The following CLYBL variants were observed in gnomAD, a reference collection of about 807,000 sequenced individuals.
The protein encoded by CLYBL is citramalyl-CoA lyase.
In CLYBL, 31 loss-of-function variants were observed where a neutral mutation model predicts 38.9. The ratio of observed to expected loss-of-function variants is 0.80; its 90% CI spans 0.60 to 1.08. The LOEUF (loss-of-function observed/expected upper bound fraction) is 1.08. Ranked by LOEUF, CLYBL falls within the 50% of genes least tolerant of loss-of-function variation. The probability of loss-of-function intolerance (pLI) is 0.00; values close to 1 mark genes in which losing one functional copy is unlikely to be tolerated. For synonymous variants in CLYBL, 171 were observed against 158.6 expected (o/e 1.08, Z -0.59); for missense variants, 434 against 411.6 (o/e 1.05, Z -0.47).
chr13:99,877,444 A>C (rs1198602977), intron 7 of CLYBL, among the ~76,000 whole-genome samples: 1 of 150,804 alleles, frequency 6.6e-6, no homozygotes, highest in South Asian at 2.1e-4. Context: ...TTTCTTTCTC[A>C]CTACATCATC....
intron 2 of CLYBL, among the ~76,000 whole-genome samples, chr13:99,814,837 C>T (rs1295160604): frequency 6.6e-6 from 1 of 152,014 alleles, no homozygotes; most frequent in East Asian, 1.9e-4. Context: ...TTGAGACTGG[C>T]CTGGGCAACA....
At chr13:99,864,937 T>C (rs772015279) in intron 5 of CLYBL, 26 bp downstream of exon 5, 53 of 1,496,078 alleles carry the variant, frequency 3.5e-5, no homozygotes, top group African/African-American at 1.5e-4. Flanking sequence ...CTCTCTCTCT[T>C]TTTCTGTGTG....
At chr13:99,772,710 T>TA in intron 1 of CLYBL, 114 bp from the exon 2 acceptor site, 1 of 923,216 alleles carries the variant, frequency 1.1e-6, no homozygotes, top group Non-Finnish European at 1.6e-6. Context: ...AAAATAAAAA[T>TA]AAAAAAAGAT....
At chr13:99,645,093 A>G (rs80145035) in intron 1 of CLYBL, among the ~76,000 whole-genome samples, 3 of 152,330 alleles carry the variant, frequency 2.0e-5, no homozygotes, top group East Asian at 3.9e-4. Flanking sequence ...AGGAACCTCT[A>G]TGCTGTTCTC....
chr13:99,759,341 G>A (rs1021349067), intron 1 of CLYBL, among the ~76,000 whole-genome samples: 4 of 152,204 alleles, frequency 2.6e-5, no homozygotes, highest in African/African-American at 9.7e-5. Flanking sequence ...AACAGGTGGT[G>A]GATTGGATTA....
chr13:99,732,782 T>C (rs1250357526), intron 1 of CLYBL, among the ~76,000 whole-genome samples: 1 of 152,246 alleles, frequency 6.6e-6, no homozygotes, highest in Non-Finnish European at 1.5e-5. Context: ...CCCATCAGTC[T>C]CGACAGGATA....
intron 1 of CLYBL, among the ~76,000 whole-genome samples, chr13:99,676,829 T>C (rs571315472): frequency 2.3e-4 from 35 of 151,904 alleles, no homozygotes; most frequent in Non-Finnish European, 4.6e-4. Context: ...GGTCTCGAAC[T>C]CTCGACCTCA....
chr13:99,682,819 C>G (rs888981415), intron 1 of CLYBL, among the ~76,000 whole-genome samples: 1 of 151,920 alleles, frequency 6.6e-6, no homozygotes, highest in Non-Finnish European at 1.5e-5. Flanking sequence ...TCACTGCAAT[C>G]TCAGCCTCCC....
intron 1 of CLYBL, among the ~76,000 whole-genome samples, chr13:99,724,682 CA>C (rs1314516904): frequency 6.6e-6 from 1 of 151,946 alleles, no homozygotes; most frequent in Non-Finnish European, 1.5e-5. Context: ...GGGAGTTGAG[CA>C]CGAGCAGAAC....
At chr13:99,792,875 A>T (rs1056294507) in intron 2 of CLYBL, among the ~76,000 whole-genome samples, 6 of 151,860 alleles carry the variant, frequency 4.0e-5, no homozygotes, top group Non-Finnish European at 7.4e-5. Context: ...ATTCAAAGTT[A>T]TTGGCTTATT....
At chr13:99,651,498 A>G (rs2047252129) in intron 1 of CLYBL, among the ~76,000 whole-genome samples, 1 of 152,024 alleles carries the variant, frequency 6.6e-6, no homozygotes, top group South Asian at 2.1e-4. Context: ...TGAACCCAGG[A>G]GACGGAGGTT....
At chr13:99,788,174 A>G (rs761983048) in intron 2 of CLYBL, among the ~76,000 whole-genome samples, 2 of 152,146 alleles carry the variant, frequency 1.3e-5, no homozygotes, top group African/African-American at 4.8e-5. Context: ...CTCATTTCCT[A>G]ATTGAGTACC....
chr13:99,802,307 T>TG (rs930423967), intron 2 of CLYBL, among the ~76,000 whole-genome samples: 7 of 152,056 alleles, frequency 4.6e-5, no homozygotes, highest in East Asian at 1.9e-4. Context: ...TGTAAGAATT[T>TG]GGGGGGGATA....
At chr13:99,840,496 A>G (rs1219961597) in intron 2 of CLYBL, among the ~76,000 whole-genome samples, 1 of 151,870 alleles carries the variant, frequency 6.6e-6, no homozygotes, top group African/African-American at 2.4e-5. Flanking sequence ...AGTGGCTCAC[A>G]CCTGTAATCC....
intron 1 of CLYBL, among the ~76,000 whole-genome samples, chr13:99,730,456 A>T (rs1165567262): frequency 3.5e-5 from 4 of 114,382 alleles, no homozygotes; most frequent in African/African-American, 1.1e-4. Context: ...CTGGCCTCTT[A>T]GTGAGAATAC....
chr13:99,712,396 G>A (rs2793740), intron 1 of CLYBL, among the ~76,000 whole-genome samples: 9,268 of 149,074 alleles, frequency 0.062, 376 homozygotes, highest in East Asian at 0.11. Context: ...ATGCAGTGGC[G>A]TGATCTCGGT....
chr13:99,888,423 C>G (rs1035292114), intron 7 of CLYBL, among the ~76,000 whole-genome samples: 6 of 152,102 alleles, frequency 3.9e-5, no homozygotes, highest in Non-Finnish European at 5.9e-5. Context: ...AAAATTATAG[C>G]TATTATTATT....
At chr13:99,733,459 C>G (rs542274556) in intron 1 of CLYBL, among the ~76,000 whole-genome samples, 2 of 152,272 alleles carry the variant, frequency 1.3e-5, no homozygotes, top group African/African-American at 4.8e-5. Context: ...TTTTTCTCCT[C>G]ATTTGCCTAT....
At chr13:99,847,529 C>CCTTCT (rs1402962846) in intron 2 of CLYBL, among the ~76,000 whole-genome samples, 3 of 152,164 alleles carry the variant, frequency 2.0e-5, no homozygotes, top group African/African-American at 7.2e-5. Context: ...AAGGCAGCTA[C>CCTTCT]CTTCTCTTTC....
Sources: gnomAD v4.1 joint callset for allele counts (sites outside exome capture counted in the v4.1 genomes callset) on GRCh38, gnomAD v4.1.1 for gene constraint, MANE v1.5 for transcripts, NCBI Gene and HGNC (gene_info 2026-07-23, HGNC 2026-07-21) for gene names.